ADAMTS17: variants seen among roughly 807,000 people sequenced by gnomAD.
ADAMTS17 encodes A disintegrin and metalloproteinase with thrombospondin motifs 17.
Under a neutral mutation model 141.5 loss-of-function variants are expected in ADAMTS17, and 113 were observed. The ratio of observed to expected loss-of-function variants is 0.80; its 90% CI spans 0.69 to 0.93. The LOEUF (loss-of-function observed/expected upper bound fraction) is 0.93. Ranked by LOEUF, ADAMTS17 falls within the 40% of genes least tolerant of loss-of-function variation. The pLI, the probability that ADAMTS17 is intolerant of heterozygous loss-of-function variation, is 0.00. For missense variants in ADAMTS17, 1,659 were observed against 1,517.9 expected, an observed-to-expected ratio of 1.09 and a Z score of -1.54; for synonymous variants, 768 against 630.6, an observed-to-expected ratio of 1.22 and a Z score of -3.27.
intron 18 of ADAMTS17, among the ~76,000 whole-genome samples, chr15:100,038,370 G>C (rs1325279198): frequency 6.6e-6 from 1 of 152,158 alleles, no homozygotes; most frequent in Non-Finnish European, 1.5e-5. Flanking sequence ...AATTCCATAT[G>C]AATTTTAGCG....
chr15:100,106,973 A>AGGCCCC (rs2036450860), intron 14 of ADAMTS17, among the ~76,000 whole-genome samples: 1 of 152,180 alleles, frequency 6.6e-6, no homozygotes, highest in African/African-American at 2.4e-5. Context: ...TTGCTGTGCC[A>AGGCCCC]AGACTCTTGG....
chr15:100,053,867 TAAGAC>T, intron 16 of ADAMTS17, 25 bp downstream of exon 16: 1 of 1,614,000 alleles, frequency 6.2e-7, no homozygotes, highest in Non-Finnish European at 8.5e-7. Flanking sequence ...CCACACCCCC[TAAGAC>T]AAGTGTGGAA....
intron 2 of ADAMTS17, among the ~76,000 whole-genome samples, chr15:100,333,636 C>G (rs1372129324): frequency 1.3e-5 from 2 of 152,206 alleles, no homozygotes; most frequent in Non-Finnish European, 2.9e-5. Context: ...GGAGCTCTGC[C>G]CACTGCCCTT....
At chr15:100,293,392 G>C (rs574383824) in intron 3 of ADAMTS17, among the ~76,000 whole-genome samples, 1 of 152,356 alleles carries the variant, frequency 6.6e-6, no homozygotes, top group South Asian at 2.1e-4. Context: ...AGTACAAAGA[G>C]TCTGTGGTCC....
At chr15:100,030,655 C>A (rs2030065063) in intron 18 of ADAMTS17, among the ~76,000 whole-genome samples, 1 of 152,176 alleles carries the variant, frequency 6.6e-6, no homozygotes, top group Admixed American at 6.5e-5. Flanking sequence ...AAGTAGAGAG[C>A]TCAGAAGCAT....
At chr15:100,103,866 G>A (rs528442789) in intron 14 of ADAMTS17, among the ~76,000 whole-genome samples, 15 of 152,304 alleles carry the variant, frequency 9.8e-5, no homozygotes, top group African/African-American at 3.6e-4. Context: ...ATGAGCCACT[G>A]CACCTGACCC....
chr15:100,180,253 G>A (rs979873085), intron 8 of ADAMTS17, among the ~76,000 whole-genome samples: 10 of 152,148 alleles, frequency 6.6e-5, no homozygotes, highest in African/African-American at 2.4e-4. Context: ...AGTTTTCCCA[G>A]CCCCACTTAT....
rs189756338 is a variant in ADAMTS17, at chr15:100,265,534, A to G, written c.790-3099T>C. ...CTAGCAGGGTGGACCTGCCGCCTGC[A>G]GCACACTACGGCTTCTCTGGCTAGG... On this transcript the variant is annotated intron_variant, in intron 4 of 21. Transcript: ENST00000268070. Among the ~76,000 whole-genome samples the G allele has an allele frequency of 1.6e-4, 25 of 152,354 alleles. No homozygotes were observed. The East Asian group carries it at 4.6e-3, about 28-fold the overall frequency.
intron 15 of ADAMTS17, among the ~76,000 whole-genome samples, chr15:100,075,431 C>T (rs1000734585): frequency 2.0e-5 from 3 of 152,140 alleles, no homozygotes; most frequent in African/African-American, 4.8e-5. Context: ...TTGTCCTTAT[C>T]CTTGAATGTC....
chr15:100,312,109 C>A lies in ADAMTS17; in HGVS notation c.616+18780G>T, dbSNP rs74039263. Among the ~76,000 whole-genome samples the A allele has an allele frequency of 7.2e-3, 1,092 of 152,282 alleles. 18 individuals carry two copies. The highest frequency in any genetic ancestry group is 0.024 in the African/African-American group (1,014 of 41,542). ...ACCCCAAGGATGTCCACATCCTAAT[C>A]CCCAGAACCTACGAAAATGTGAACT... is the stretch of plus-strand genomic sequence containing the variant. On this transcript the variant is annotated intron_variant, in intron 3 of 21. Transcript: ENST00000268070.
chr15:100,320,027 A>G (rs774660070), intron 3 of ADAMTS17, among the ~76,000 whole-genome samples: 1 of 152,206 alleles, frequency 6.6e-6, no homozygotes, highest in Non-Finnish European at 1.5e-5. Flanking sequence ...GTGGAAAAGA[A>G]TCAGATATAA....
At chr15:100,332,637 T>G (rs2046090095) in intron 2 of ADAMTS17, among the ~76,000 whole-genome samples, 1 of 152,248 alleles carries the variant, frequency 6.6e-6, no homozygotes, top group Non-Finnish European at 1.5e-5. Context: ...CTGATACAAA[T>G]TTTTAAAGAC....
chr15:100,102,541 ATCTACATTTGAAGGCCGACCGAAGGGGC>A (rs1567176346), intron 14 of ADAMTS17, among the ~76,000 whole-genome samples: 5 of 127,104 alleles, frequency 3.9e-5, no homozygotes, highest in East Asian at 2.4e-4. Context: ...ACCGAAGGGG[ATCTACATTTGAAGGCCGACCGAAGGGGC>A]TCTACATTTG....
intron 3 of ADAMTS17, among the ~76,000 whole-genome samples, chr15:100,311,144 T>C (rs1050022979): frequency 2.0e-5 from 3 of 152,258 alleles, no homozygotes; most frequent in Non-Finnish European, 4.4e-5. Flanking sequence ...GGTGGACTTT[T>C]TGGCCAGAGG....
At chr15:100,319,083 G>A (rs2045650745) in intron 3 of ADAMTS17, among the ~76,000 whole-genome samples, 1 of 152,276 alleles carries the variant, frequency 6.6e-6, no homozygotes, top group South Asian at 2.1e-4. Context: ...GCATCTGGCA[G>A]AAGTGCATAT....
intron 15 of ADAMTS17, among the ~76,000 whole-genome samples, chr15:100,095,341 A>G (rs1176095902): frequency 6.6e-6 from 1 of 152,194 alleles, no homozygotes; most frequent in Non-Finnish European, 1.5e-5. Flanking sequence ...TTGGCGCAGT[A>G]GGCTGTCTTT....
chr15:100,310,005 A>T (rs1211926337), intron 3 of ADAMTS17, among the ~76,000 whole-genome samples: 1 of 152,212 alleles, frequency 6.6e-6, no homozygotes, highest in Admixed American at 6.5e-5. Context: ...GCCCCGAGGG[A>T]TGCACAGATG....
chr15:100,109,222 C>T (rs2036592892), intron 13 of ADAMTS17, 106 bp from the exon 14 acceptor site: 6 of 1,385,288 alleles, frequency 4.3e-6, no homozygotes, highest in South Asian at 3.8e-5. Flanking sequence ...GAGAGGTCCG[C>T]ACAGGTCAGT....
At chr15:100,195,383 G>A (rs868136206) in intron 8 of ADAMTS17, among the ~76,000 whole-genome samples, 1 of 152,178 alleles carries the variant, frequency 6.6e-6, no homozygotes, top group Non-Finnish European at 1.5e-5. Context: ...GGTTACACGG[G>A]AGTTAATGAT....
Sources: gnomAD v4.1 joint callset for allele counts (sites outside exome capture counted in the v4.1 genomes callset) on GRCh38, gnomAD v4.1.1 for gene constraint, MANE v1.5 for transcripts, NCBI Gene and HGNC (gene_info 2026-07-23, HGNC 2026-07-21) for gene names.